SCGB2A1: variants seen among roughly 807,000 people sequenced by gnomAD.
SCGB2A1 encodes mammaglobin-B.
Under a neutral mutation model 9.2 loss-of-function variants are expected in SCGB2A1, and 6 were observed. That is an observed-to-expected ratio of 0.66 (90% CI 0.36 to 1.29). The LOEUF (loss-of-function observed/expected upper bound fraction) is 1.29, where lower values mean the gene tolerates loss of function less well. Among genes scored for constraint, SCGB2A1 ranks in the 50% most tolerant of loss-of-function variants. The pLI, the probability that SCGB2A1 is intolerant of heterozygous loss-of-function variation, is 0.03. For synonymous variants in SCGB2A1, 37 were observed against 41.0 expected, an observed-to-expected ratio of 0.90 and a Z score of 0.37; for missense variants, 138 against 116.9, an observed-to-expected ratio of 1.18 and a Z score of -0.83.
chr11:62,213,064 A>C (rs1944848962), intron 2 of SCGB2A1, among the ~76,000 whole-genome samples: 1 of 55,882 alleles, frequency 1.8e-5, no homozygotes, highest in African/African-American at 4.2e-5. Context: ...ATATATACAC[A>C]TATATACATA....
intron 1 of SCGB2A1, 42 bp from the exon 2 acceptor site, chr11:62,210,371 C>T: frequency 6.5e-7 from 1 of 1,537,682 alleles, no homozygotes; most frequent in Non-Finnish European, 8.6e-7. Context: ...CTAGTAATGG[C>T]CCATGTTCTT....
intron 1 of SCGB2A1, 149 bp downstream of exon 1, chr11:62,208,935 T>C: frequency 1.4e-6 from 1 of 690,184 alleles, no homozygotes; most frequent in South Asian, 1.8e-5. Flanking sequence ...CATGAGTTCC[T>C]GACAATCAAG....
chr11:62,210,703 T>C (rs1565120714), intron 2 of SCGB2A1, 103 bp downstream of exon 2: 1 of 807,576 alleles, frequency 1.2e-6, no homozygotes, highest in Non-Finnish European at 1.9e-6. Context: ...GAACAAACTT[T>C]CTTTATATAT....
chr11:62,212,456 GA>G (rs1428088953), intron 2 of SCGB2A1, among the ~76,000 whole-genome samples: 1 of 151,362 alleles, frequency 6.6e-6, no homozygotes, highest in Non-Finnish European at 1.5e-5. Flanking sequence ...CCAACATGCT[GA>G]AACCCTGTCT....
At chr11:62,213,545 T>G in intron 2 of SCGB2A1, 181 bp from the exon 3 acceptor site, 1 of 572,126 alleles carries the variant, frequency 1.7e-6, no homozygotes, top group Non-Finnish European at 3.1e-6. Context: ...CTGTTTGGCA[T>G]TATGAAGTGT....
intron 2 of SCGB2A1, among the ~76,000 whole-genome samples, chr11:62,212,414 C>CTTG (rs1944837787): frequency 6.6e-6 from 1 of 151,572 alleles, no homozygotes; most frequent in African/African-American, 2.4e-5. Context: ...GCGGGCAGAT[C>CTTG]ACTTGAGGTC....
intron 2 of SCGB2A1, among the ~76,000 whole-genome samples, chr11:62,212,009 G>A (rs1054199835): frequency 2.6e-5 from 4 of 151,812 alleles, no homozygotes; most frequent in African/African-American, 4.8e-5. Flanking sequence ...TACAATCTCC[G>A]GCTCCTGAGT....
intron 2 of SCGB2A1, among the ~76,000 whole-genome samples, chr11:62,212,935 C>A (rs1249815469): frequency 1.5e-5 from 2 of 133,668 alleles, no homozygotes; most frequent in Non-Finnish European, 3.3e-5. Context: ...CACATATATA[C>A]ACACATATGT....
chr11:62,212,990 A>ACACATATG (rs1565121352), intron 2 of SCGB2A1, among the ~76,000 whole-genome samples: 30 of 134,848 alleles, frequency 2.2e-4, no homozygotes, highest in African/African-American at 7.6e-4. Flanking sequence ...GCACATATAC[A>ACACATATG]TGCATATATG....
intron 2 of SCGB2A1, among the ~76,000 whole-genome samples, chr11:62,212,998 A>G (rs566719162): frequency 1.8e-5 from 2 of 112,978 alleles, no homozygotes; most frequent in South Asian, 4.7e-4. Flanking sequence ...ACATGCATAT[A>G]TGTACACATA....
At chr11:62,211,565 A>T (rs2134734706) in intron 2 of SCGB2A1, among the ~76,000 whole-genome samples, 1 of 152,008 alleles carries the variant, frequency 6.6e-6, no homozygotes, top group Admixed American at 6.5e-5. Flanking sequence ...ATGCCCAGCT[A>T]ATTTTTGTAT....
At chr11:62,213,015 CAT>C in intron 2 of SCGB2A1, among the ~76,000 whole-genome samples, 2 of 143,798 alleles carry the variant, frequency 1.4e-5, no homozygotes, top group African/African-American at 5.2e-5. Flanking sequence ...CATATATGCA[CAT>C]ATATACATAT....
In SCGB2A1 at chr11:62,213,108, T is replaced by A. The variant is rs77363651; in HGVS notation, c.244-618T>A. On this transcript the variant is annotated intron_variant, in intron 2 of 2. Transcript: ENST00000244930. Reference sequence around the variant, plus strand: ...TATATACACATATATATATATATATTTTTTTTTTTGTAGAGATGGCATTTT... The same window carrying A: ...TATATACACATATATATATATATATATTTTTTTTTGTAGAGATGGCATTTT... 3.5e-3 allele frequency among the ~76,000 whole-genome samples: 296 copies of A among 83,440 alleles called. 20 individuals are homozygous for A. The highest frequency in any genetic ancestry group is 7.5e-3 in the African/African-American group (196 of 26,074). The allele number at this position is 83,440 out of a possible 152,430, so 54.7% of individuals were successfully genotyped here. A position where few individuals can be genotyped will look rare whatever the true frequency, so the allele number is the denominator to read the frequency against.
In SCGB2A1 at chr11:62,208,705, C is replaced by T. The variant is rs1002943425; in HGVS notation, c.-27C>T. On this transcript the variant is annotated 5_prime_UTR_variant, in exon 1 of 3. Coordinates refer to ENST00000244930, the MANE Select transcript of SCGB2A1 (RefSeq NM_002407.3). ...CTTCCTTGATCCCTGCCACGCACGA[C>T]TGAACACAGACAGCAGCCGCCTCGC... 1 of 1,613,122 alleles carries T rather than the reference C, an allele frequency of 6.2e-7. No homozygotes were observed. Among genetic ancestry groups the T allele is most frequent in the Admixed American group, 1.7e-5 (1 of 60,020 alleles).
rs372604111 is a variant in SCGB2A1 at position 62,208,725 on chromosome 11, C to A, written c.-7C>A. ...CACGACTGAACACAGACAGCAGCCGCCTCGCCATGAAGCTGCTGATGGTCC... is the reference window on the plus strand; with the variant it reads ...CACGACTGAACACAGACAGCAGCCGACTCGCCATGAAGCTGCTGATGGTCC... On this transcript the variant is annotated 5_prime_UTR_variant, in exon 1 of 3. Coordinates refer to ENST00000244930, the MANE Select transcript of SCGB2A1 (RefSeq NM_002407.3). 6.2e-7 allele frequency: 1 copy of A among 1,613,704 alleles called. No individual in the cohort carries two copies.
chr11:62,211,340 TTA>T (rs1944829414), intron 2 of SCGB2A1, among the ~76,000 whole-genome samples: 1 of 102,740 alleles, frequency 9.7e-6, no homozygotes. Context: ...CAAAACATTC[TTA>T]TTTTTTTTTA....
At chr11:62,213,012 G>GCACATATATA (rs67185438) in intron 2 of SCGB2A1, among the ~76,000 whole-genome samples, 83,305 of 138,430 alleles carry the variant, frequency 0.6, 27,213 homozygotes, top group East Asian at 0.97. Flanking sequence ...ACACATATAT[G>GCACATATATA]CACATATATA....
chr11:62,208,804 A>G lies in SCGB2A1; in HGVS notation c.55+18A>G, dbSNP rs1377805611. 1 of 1,611,362 alleles carries G rather than the reference A, an allele frequency of 6.2e-7. No individual in the cohort carries two copies. Among genetic ancestry groups the G allele is most frequent in the South Asian group, 1.1e-5 (1 of 91,046 alleles). On this transcript the variant is annotated intron_variant, in intron 1 of 2. Coordinates refer to ENST00000244930, the MANE Select transcript of SCGB2A1 (RefSeq NM_002407.3). Reference sequence around the variant, plus strand: ...CTATGCAGGTGAGTTCTGGGCAGAGAGGGCTGCTTCTGGGCTAGGAATTGT... The same window carrying G: ...CTATGCAGGTGAGTTCTGGGCAGAGGGGGCTGCTTCTGGGCTAGGAATTGT...
Position 62,208,754 on chromosome 11 carries a change from T to G in SCGB2A1, c.23T>G (p.Met8Arg), listed in dbSNP as rs1590653590. 1 of 1,613,654 alleles carries G rather than the reference T, an allele frequency of 6.2e-7. No individual in the cohort carries two copies. The highest frequency in any genetic ancestry group is 1.1e-5 in the South Asian group (1 of 91,076). The part of the protein sequence containing the change: MKLLMVL[M>R]LAALLLHCYA... ...GCCATGAAGCTGCTGATGGTCCTCA[T>G]GCTGGCGGCCCTCCTCCTGCACTGC... The change falls in exon 1 of 3, where the codon ATG (methionine) becomes AGG (arginine). Residue 8 changes from methionine to arginine, a missense_variant. Met to Arg is a moderately conservative substitution (Grantham distance 91, BLOSUM62 -1). Coordinates refer to ENST00000244930, the MANE Select transcript of SCGB2A1 (RefSeq NM_002407.3).
Sources: allele counts gnomAD v4.1 joint callset (sites outside exome capture counted in the v4.1 genomes callset), GRCh38; gene constraint gnomAD v4.1.1; transcripts MANE v1.5; gene names NCBI Gene and HGNC (gene_info 2026-07-23, HGNC 2026-07-21).